DNHD1: variants seen among roughly 807,000 people sequenced by gnomAD.
DNHD1 encodes dynein heavy chain domain-containing protein 1.
In DNHD1, 383 loss-of-function variants were observed where a neutral mutation model predicts 458.1. The observed-to-expected ratio is 0.84, with a 90% CI of 0.77 to 0.91. The LOEUF (loss-of-function observed/expected upper bound fraction) is 0.91. DNHD1 is among the 40% of genes least tolerant of loss of function. DNHD1 has a pLI of 0.00. For missense variants in DNHD1, 5,336 were observed against 5,866.1 expected (o/e 0.91, Z 2.95); for synonymous variants, 2,203 against 2,376.9 (o/e 0.93, Z 2.13).
chr11:6,538,915 C>G, intron 16 of DNHD1, 105 bp downstream of exon 16: 1 of 1,167,550 alleles, frequency 8.6e-7, no homozygotes, highest in Non-Finnish European at 1.2e-6. Flanking sequence ...CCTTTCATCC[C>G]CAAGTTTCTC....
At chr11:6,512,957 C>T (rs578235869) in intron 7 of DNHD1, among the ~76,000 whole-genome samples, 16 of 152,236 alleles carry the variant, frequency 1.1e-4, no homozygotes, top group African/African-American at 3.9e-4. Flanking sequence ...TTCATAGTCT[C>T]TCTTTAGGAG....
rs372056276 is a variant in DNHD1 at position 6,498,499 on chromosome 11, G to T, written c.284G>T (p.Arg95Leu). Reference sequence around the variant, plus strand: ...GTACTGGGTCTACTGCCTCCATATCGTGAGTTGCTAGTTGGCCACCTTGAT... The same window carrying T: ...GTACTGGGTCTACTGCCTCCATATCTTGAGTTGCTAGTTGGCCACCTTGAT... Reference protein sequence around the residue: ...HAVLGLLPPYRELLVGHLDLL... With the variant: ...HAVLGLLPPYLELLVGHLDLL... Residue 95 changes from arginine (R) to leucine (L), a missense_variant, in exon 3 of 43, where the codon CGT becomes CTT. This residue lies in a region of DNHD1 where 3,932 missense variants were observed against 4,365.6 expected (regional missense o/e 0.90). Coordinates refer to ENST00000254579, the MANE Select transcript of DNHD1 (RefSeq NM_144666.3). The T allele has an allele frequency of 8.1e-6, 13 of 1,614,204 alleles. No individual in the cohort carries two copies. In the South Asian group the frequency reaches 1.4e-4, roughly 18 times the overall value.
intron 31 of DNHD1, 43 bp downstream of exon 31, chr11:6,564,167 A>C: frequency 1.3e-6 from 2 of 1,533,108 alleles, no homozygotes; most frequent in Non-Finnish European, 1.8e-6. Flanking sequence ...AGTTCCTTTT[A>C]TGCCGTTCGC....
chr11:6,516,008 G>A (rs1292426669), intron 7 of DNHD1, among the ~76,000 whole-genome samples: 4 of 151,424 alleles, frequency 2.6e-5, no homozygotes, highest in South Asian at 4.2e-4. Flanking sequence ...GGCTGGTCTC[G>A]AACTCCAAGC....
intron 10 of DNHD1, among the ~76,000 whole-genome samples, chr11:6,527,815 T>C (rs964361334): frequency 6.6e-5 from 10 of 152,258 alleles, no homozygotes; most frequent in African/African-American, 2.4e-4. Flanking sequence ...CTTTATTTTG[T>C]GCGAAGTTTT....
At chr11:6,540,551 G>T (rs950938182) in intron 18 of DNHD1, among the ~76,000 whole-genome samples, 2 of 152,182 alleles carry the variant, frequency 1.3e-5, no homozygotes, top group African/African-American at 2.4e-5. Context: ...GTCCAGTGAG[G>T]AGAGACAGAC....
rs923611972 is a variant in DNHD1 at position 6,521,490 on chromosome 11, T to C, written c.1837+1201T>C. Among the ~76,000 whole-genome samples the C allele has an allele frequency of 1.4e-4, 22 of 152,170 alleles. No individual in the cohort carries two copies. The South Asian group carries it at 2.7e-3, about 19-fold the overall frequency. On this transcript the variant is annotated intron_variant, in intron 10 of 42. Coordinates refer to ENST00000254579, the MANE Select transcript of DNHD1 (RefSeq NM_144666.3). ...TTTTAAAAAAGCACACGGATTGGTA[T>C]GTTTAGGGGTGAAATGTCATAATGC...
At chr11:6,554,493 G>GA (rs1323822203) in intron 24 of DNHD1, among the ~76,000 whole-genome samples, 1 of 151,962 alleles carries the variant, frequency 6.6e-6, no homozygotes, top group Non-Finnish European at 1.5e-5. Context: ...TTACGAAAAT[G>GA]AAAAAAATAA....
Position 6,557,022 on chromosome 11 carries a change from A to G in DNHD1, c.7727A>G (p.Asn2576Ser), listed in dbSNP as rs1286115857. The change falls in exon 25 of 43, where the codon AAT becomes AGT. Residue 2576 changes from asparagine (N) to serine (S), a missense_variant. Physicochemically the swap from Asn to Ser is conservative, Grantham distance 46 (BLOSUM62 1). Transcript: ENST00000254579. ...GTAGAGGCCTGGGAGGCTGTGTGCA[A>G]TTGCTTCATGCCTTCACCCCTCCAC... ...ASVEAWEAVC[N>S]CFMPSPLHPH... 6 of 1,551,406 alleles carry G rather than the reference A, an allele frequency of 3.9e-6. No homozygotes were observed. The African/African-American group carries it at 6.9e-5, about 18-fold the overall frequency.
chr11:6,525,289 T>G (rs147978921), intron 10 of DNHD1, among the ~76,000 whole-genome samples: 2 of 152,338 alleles, frequency 1.3e-5, no homozygotes, highest in East Asian at 3.9e-4. Flanking sequence ...GTCATCTGTC[T>G]ACCTCTAGCT....
intron 24 of DNHD1, among the ~76,000 whole-genome samples, chr11:6,551,734 A>G (rs973355359): frequency 6.6e-6 from 1 of 152,170 alleles, no homozygotes; most frequent in African/African-American, 2.4e-5. Flanking sequence ...CGAGGTCAGG[A>G]GATGGAGACC....
In DNHD1 at chr11:6,528,532, A is replaced by G. The variant is rs561432014; in HGVS notation, c.1848A>G (p.Glu616=). 777 of 1,549,490 alleles carry G rather than the reference A, an allele frequency of 5.0e-4. 10 individuals carry two copies. The South Asian group carries it at 8.8e-3, about 17-fold the overall frequency. Residue 616 remains glutamate (E), a synonymous_variant, in exon 11 of 43, where the codon GAA becomes GAG. Transcript: ENST00000254579. ...SDSLYSEEED[E]EEDSKDEFLM... is the part of the protein sequence containing the mutation. ...CCTGTGCTCCACTAGAAGAAGATGA[A>G]GAGGAGGACTCAAAAGACGAATTTC...
chr11:6,538,188 C>G (rs1853004022), intron 14 of DNHD1, among the ~76,000 whole-genome samples, 195 bp from the exon 15 acceptor site: 1 of 152,172 alleles, frequency 6.6e-6, no homozygotes, highest in Non-Finnish European at 1.5e-5. Context: ...GATGGTCTTT[C>G]CCTGGAGTAA....
At position 6,566,891 on chromosome 11, in the gene DNHD1, G is replaced by A. The variant is rs748313053; in HGVS notation, c.11386-4G>A. On this transcript the variant is annotated splice_region_variant and splice_polypyrimidine_tract_variant and intron_variant, in intron 35 of 42. Coordinates refer to ENST00000254579, the MANE Select transcript of DNHD1 (RefSeq NM_144666.3). The stretch of plus-strand genomic sequence containing the variant: ...AGATCCATCCAACAAATGAGTGTAT[G>A]CAGGAGCGGCTGCTGACGATGCTGC... 2.5e-6 allele frequency: 4 copies of A among 1,610,938 alleles called. No homozygotes were observed. The African/African-American group carries it at 5.3e-5, about 22-fold the overall frequency.
chr11:6,545,286 C>A lies in DNHD1; in HGVS notation c.4347C>A (p.Ala1449=). 6.4e-7 allele frequency: 1 copy of A among 1,551,714 alleles called. No individual in the cohort carries two copies. The highest frequency in any genetic ancestry group is 2.4e-5 in the East Asian group (1 of 40,912). Residue 1449 remains alanine (A), a synonymous_variant, in exon 21 of 43, where the codon GCC becomes GCA. Coordinates refer to ENST00000254579, the MANE Select transcript of DNHD1 (RefSeq NM_144666.3). This position sits in a 1 kb window ranked among gnomAD's most constrained non-coding sequence, Gnocchi z 4.9. Reference sequence around the variant, plus strand: ...ATCCAGATCTCCCTAAGTGGCTGGCCTCTCTGGAGAAGTGTCTGCGCTTGG... The same window carrying A: ...ATCCAGATCTCCCTAAGTGGCTGGCATCTCTGGAGAAGTGTCTGCGCTTGG... ...PLHPDLPKWL[A]SLEKCLRLAL...
rs1853769745 is a variant in DNHD1 at position 6,568,815 on chromosome 11, T to A, written c.12812T>A (p.Leu4271Gln). ...CCTCTGCTCCTCCTCCATGGCCTCC[T>A]GCTACACCGGCAGCTCTATGGAACA... ...ALPLLLLHGL[L>Q]LHRQLYGTRL... Residue 4271 changes from leucine to glutamine, a missense_variant, in exon 39 of 43, where the codon CTG (leucine) becomes CAG (glutamine). By Grantham distance (113) the Leu-to-Gln change is moderately radical (BLOSUM62 -2). This residue lies in a region of DNHD1 where 698 missense variants were observed against 664.9 expected (regional missense o/e 1.05). Transcript: ENST00000254579. 5 of 1,613,244 alleles carry A rather than the reference T, an allele frequency of 3.1e-6. No individual in the cohort carries two copies. Among genetic ancestry groups the A allele is most frequent in the Non-Finnish European group, 4.2e-6 (5 of 1,179,648 alleles).
At chr11:6,543,244 T>A (rs1853135983) in intron 18 of DNHD1, among the ~76,000 whole-genome samples, 1 of 152,174 alleles carries the variant, frequency 6.6e-6, no homozygotes, top group African/African-American at 2.4e-5. Context: ...CCTTTCTTGA[T>A]TCTTCTCATT....
rs759306051 is a variant in DNHD1, at chr11:6,563,081, G to A, written c.9619G>A (p.Ala3207Thr). The A allele has an allele frequency of 4.5e-6, 7 of 1,551,620 alleles. No individual in the cohort carries two copies. Among genetic ancestry groups the A allele is most frequent in the South Asian group, 3.6e-5 (3 of 84,040 alleles). ...TCAAGAGAACCTCATTGAGAACCTG[G>A]CCAGGCAACGGGATGCCCTGCAAGC... is the stretch of plus-strand genomic sequence containing the variant. Reference protein sequence around the residue: ...RHQENLIENLARQRDALQAQR... With the variant: ...RHQENLIENLTRQRDALQAQR... Residue 3207 changes from alanine to threonine, a missense_variant, in exon 29 of 43, where the codon GCC becomes ACC. Physicochemically the swap from Ala to Thr is moderately conservative, Grantham distance 58. Around this residue, in one of 4 missense-constraint regions of DNHD1, gnomAD observed 3,932 missense variants for 4,365.6 expected, o/e 0.90. Coordinates refer to ENST00000254579, the MANE Select transcript of DNHD1 (RefSeq NM_144666.3).
In DNHD1 at chr11:6,551,340, T is replaced by C. The variant is rs1160295126; in HGVS notation, c.7387+2407T>C. Reference sequence around the variant, plus strand: ...GAGATGCAACTAAAGGTTATAGCTTTAAATATCTATCTTAGAGAGAAAAGC... The same window carrying C: ...GAGATGCAACTAAAGGTTATAGCTTCAAATATCTATCTTAGAGAGAAAAGC... On this transcript the variant is annotated intron_variant, in intron 24 of 42. Coordinates refer to ENST00000254579, the MANE Select transcript of DNHD1 (RefSeq NM_144666.3). 2.0e-5 allele frequency among the ~76,000 whole-genome samples: 3 copies of C among 152,328 alleles called. No individual in the cohort carries two copies. In the East Asian group the frequency reaches 5.8e-4, roughly 29 times the overall value.
Sources: gnomAD v4.1 joint callset for allele counts (sites outside exome capture counted in the v4.1 genomes callset) on GRCh38, gnomAD v4.1.1 for gene constraint, gnomAD v4.1.1 regional missense constraint, Gnocchi (gnomAD v3.1) non-coding constraint, MANE v1.5 for transcripts, NCBI Gene and HGNC (gene_info 2026-07-23, HGNC 2026-07-21) for gene names.